The following LOXHD1 variants were observed in gnomAD, a reference collection of about 807,000 sequenced individuals.
LOXHD1 encodes lipoxygenase homology domain-containing protein 1.
Under a neutral mutation model 248.2 loss-of-function variants are expected in LOXHD1, and 205 were observed. The observed-to-expected ratio is 0.83, with a 90% CI of 0.74 to 0.93. The LOEUF is 0.93. LOXHD1 is among the 40% of genes least tolerant of loss of function. The pLI is 0.00. For missense variants in LOXHD1, 2,930 were observed against 2,971.6 expected (o/e 0.99, Z 0.33); for synonymous variants, 1,113 against 1,162.8 (o/e 0.96, Z 0.87).
intron 21 of LOXHD1, among the ~76,000 whole-genome samples, chr18:46,548,684 A>T (rs886493830): frequency 5.9e-5 from 9 of 152,210 alleles, no homozygotes; most frequent in African/African-American, 2.2e-4. Flanking sequence ...GAAATAAAGA[A>T]AGAGCTGGGG....
Position 46,477,389 on chromosome 18 carries a change from T to C in LOXHD1, c.*83A>G. ...AGCCCCCAGTGCCAATGCTAGAGGC[T>C]TTGAAGGGCTGCTGACCGCCAAGGT... On this transcript the variant is annotated 3_prime_UTR_variant, in exon 41 of 41. Transcript: ENST00000642948. 6.6e-7 allele frequency: 1 copy of C among 1,521,856 alleles called. No individual in the cohort carries two copies. Among genetic ancestry groups the C allele is most frequent in the South Asian group, 1.3e-5 (1 of 79,340 alleles). The allele number at this position is 1,521,856 out of a possible 1,614,324, so 94.3% of individuals were successfully genotyped here.
At chr18:46,600,235 C>T (rs1278839623) in intron 8 of LOXHD1, among the ~76,000 whole-genome samples, 2 of 152,300 alleles carry the variant, frequency 1.3e-5, no homozygotes, top group African/African-American at 4.8e-5. Flanking sequence ...TACTTTGCAG[C>T]AGGGAAGTGG....
chr18:46,557,288 C>T (rs780772754), intron 21 of LOXHD1, 68 bp downstream of exon 21: 1 of 1,541,764 alleles, frequency 6.5e-7, no homozygotes. Flanking sequence ...TCTTCCAGGA[C>T]TACCTCTGTG....
chr18:46,523,180 C>T (rs558298791), intron 31 of LOXHD1, among the ~76,000 whole-genome samples: 1 of 152,308 alleles, frequency 6.6e-6, no homozygotes, highest in East Asian at 1.9e-4. Flanking sequence ...CTCTTGACCT[C>T]AGGTGATCTG....
At chr18:46,644,280 A>AT (rs2038999972) in intron 2 of LOXHD1, among the ~76,000 whole-genome samples, 1 of 152,162 alleles carries the variant, frequency 6.6e-6, no homozygotes, top group South Asian at 2.1e-4. Context: ...AAGTATCCCC[A>AT]TTTTTAGCCA....
At chr18:46,615,086 G>A (rs554264122) in intron 5 of LOXHD1, among the ~76,000 whole-genome samples, 17 of 152,284 alleles carry the variant, frequency 1.1e-4, no homozygotes, top group African/African-American at 3.8e-4. Flanking sequence ...TCATATAGTG[G>A]CAATCATAAG....
chr18:46,569,729 C>T (rs2037715419), intron 15 of LOXHD1, 91 bp from the exon 16 acceptor site: 3 of 1,056,272 alleles, frequency 2.8e-6, no homozygotes, highest in Middle Eastern at 3.0e-4. Flanking sequence ...CAGCCTGGAG[C>T]TGGAGGTTTG....
intron 12 of LOXHD1, among the ~76,000 whole-genome samples, chr18:46,591,210 T>A (rs1164564223): frequency 6.6e-6 from 1 of 152,218 alleles, no homozygotes; most frequent in Non-Finnish European, 1.5e-5. Flanking sequence ...TTTTCCTGCT[T>A]AAAATTTAAG....
At chr18:46,491,280 C>T (rs771166364) in intron 37 of LOXHD1, among the ~76,000 whole-genome samples, 4 of 152,220 alleles carry the variant, frequency 2.6e-5, no homozygotes, top group Non-Finnish European at 5.9e-5. Context: ...TAAGGCTCTC[C>T]AGGTGATCCC....
chr18:46,498,726 C>T (rs2034031979), intron 37 of LOXHD1, among the ~76,000 whole-genome samples: 1 of 152,172 alleles, frequency 6.6e-6, no homozygotes, highest in Non-Finnish European at 1.5e-5. Context: ...AGGGCCCATT[C>T]TAAATCCATG....
At chr18:46,637,732 A>G (rs1009296364) in intron 4 of LOXHD1, among the ~76,000 whole-genome samples, 1 of 152,120 alleles carries the variant, frequency 6.6e-6, no homozygotes, top group African/African-American at 2.4e-5. Context: ...TAATTATCCA[A>G]CTGGATAATC....
At chr18:46,543,756 G>A (rs746077421) in intron 23 of LOXHD1, among the ~76,000 whole-genome samples, 7 of 152,020 alleles carry the variant, frequency 4.6e-5, no homozygotes, top group Admixed American at 6.6e-5. Flanking sequence ...AAAATCATCC[G>A]GGAGACAGTG....
intron 4 of LOXHD1, among the ~76,000 whole-genome samples, chr18:46,632,103 C>T (rs918698376): frequency 6.6e-6 from 1 of 152,120 alleles, no homozygotes; most frequent in Non-Finnish European, 1.5e-5. Flanking sequence ...ACCTTTGTCC[C>T]CTGTGCAACG....
chr18:46,485,277 G>A (rs1451091753), intron 38 of LOXHD1, 126 bp from the exon 39 acceptor site: 2 of 1,113,486 alleles, frequency 1.8e-6, no homozygotes, highest in African/African-American at 1.6e-5. Context: ...GGGTGGGGGA[G>A]GCAGGTTAAA....
chr18:46,652,386 T>C (rs1465363009), intron 1 of LOXHD1, among the ~76,000 whole-genome samples: 2 of 152,150 alleles, frequency 1.3e-5, no homozygotes, highest in African/African-American at 2.4e-5. Context: ...CTCATTGAAG[T>C]TGAAAAATGG....
chr18:46,610,126 G>T (rs936393027), intron 6 of LOXHD1, among the ~76,000 whole-genome samples: 2 of 152,134 alleles, frequency 1.3e-5, no homozygotes. Context: ...GGAGGGAGAG[G>T]TTCTGGTGGG....
At chr18:46,483,814 G>A in intron 39 of LOXHD1, 69 bp from the exon 40 acceptor site, 4 of 1,499,778 alleles carry the variant, frequency 2.7e-6, no homozygotes, top group Admixed American at 2.0e-5. Context: ...TTTGTCGGGG[G>A]CCTGCTGCAT....
chr18:46,520,436 C>A, intron 33 of LOXHD1: 1 of 384,498 alleles, frequency 2.6e-6, no homozygotes, highest in South Asian at 2.0e-5. Flanking sequence ...GAAACAGAGG[C>A]TTCTGGGCCA....
intron 6 of LOXHD1, among the ~76,000 whole-genome samples, chr18:46,607,188 T>G (rs911962457): frequency 3.3e-4 from 50 of 151,806 alleles, no homozygotes; most frequent in Middle Eastern, 3.4e-3. Context: ...AAAATTATAT[T>G]GTAAAATAGC....
Sources: gnomAD v4.1 joint callset for allele counts (sites outside exome capture counted in the v4.1 genomes callset) on GRCh38, gnomAD v4.1.1 for gene constraint, MANE v1.5 for transcripts, NCBI Gene and HGNC (gene_info 2026-07-23, HGNC 2026-07-21) for gene names.